SBK1: variants seen among roughly 807,000 people sequenced by gnomAD.
SBK1 encodes SH3 domain binding kinase 1.
In SBK1, 11 loss-of-function variants were observed where a neutral mutation model predicts 24.4. That is an observed-to-expected ratio of 0.45 (90% CI 0.28 to 0.75). SBK1 has a LOEUF of 0.75. Ranked by LOEUF, SBK1 falls within the 30% of genes least tolerant of loss-of-function variation. SBK1 has a pLI of 0.12. For synonymous variants in SBK1, 308 were observed against 284.4 expected, an observed-to-expected ratio of 1.08 and a Z score of -0.83; for missense variants, 467 against 620.5, an observed-to-expected ratio of 0.75 and a Z score of 2.63.
chr16:28,307,313 G>T (rs546400579), intron 1 of SBK1, among the ~76,000 whole-genome samples: 2 of 152,360 alleles, frequency 1.3e-5, no homozygotes, highest in South Asian at 4.1e-4. Context: ...GAGGCACAGA[G>T]TGGTCATGTC....
intron 1 of SBK1, among the ~76,000 whole-genome samples, chr16:28,263,813 T>C (rs1425965964): frequency 6.6e-6 from 1 of 152,042 alleles, no homozygotes; most frequent in African/African-American, 2.4e-5. Context: ...GATGGGGAAG[T>C]AAGAAAGTGC....
rs1241705140 is a variant in SBK1, at chr16:28,293,285, C to T, written c.-23C>T. 1.0e-6 allele frequency: 1 copy of T among 985,362 alleles called. No individual in the cohort carries two copies. Among genetic ancestry groups the T allele is most frequent in the East Asian group, 1.1e-4 (1 of 8,808 alleles). The allele number at this position is 985,362 out of a possible 1,614,324, so 61.0% of individuals were successfully genotyped here. On this transcript the variant is annotated 5_prime_UTR_variant, in exon 1 of 4. Transcript: ENST00000341901. ...CCCAGGCCCCCTGCCGCGGCGTCCC[C>T]GCGGCCCCAGCCCAGGTAAGCCGGG...
intron 1 of SBK1, among the ~76,000 whole-genome samples, chr16:28,274,047 G>A (rs1282123825): frequency 6.6e-6 from 1 of 152,172 alleles, no homozygotes; most frequent in Admixed American, 6.5e-5. Context: ...GTTGCCAGGG[G>A]GCTGGCGGGA....
At chr16:28,275,581 G>C (rs1385513872) in intron 1 of SBK1, among the ~76,000 whole-genome samples, 1 of 151,870 alleles carries the variant, frequency 6.6e-6, no homozygotes, top group Non-Finnish European at 1.5e-5. Context: ...AGAAAGTCCT[G>C]GAAAAAGAAT....
chr16:28,305,796 C>T (rs1357223221), intron 1 of SBK1, among the ~76,000 whole-genome samples: 1 of 152,186 alleles, frequency 6.6e-6, no homozygotes, highest in East Asian at 1.9e-4. Flanking sequence ...CCGCCTCAGC[C>T]TCCCAAAGTG....
chr16:28,305,464 G>T (rs554915113), intron 1 of SBK1, among the ~76,000 whole-genome samples: 1 of 150,620 alleles, frequency 6.6e-6, no homozygotes, highest in Admixed American at 6.6e-5. Context: ...CGCCTGCCTC[G>T]GCCTCCCAAA....
chr16:28,266,581 TGGAA>T (rs2044429728), intron 1 of SBK1, among the ~76,000 whole-genome samples: 1 of 152,052 alleles, frequency 6.6e-6, no homozygotes, highest in Admixed American at 6.6e-5. Flanking sequence ...AAGCTCTTCC[TGGAA>T]GGGCTTTCTG....
chr16:28,299,175 G>A (rs2044662363), intron 1 of SBK1, among the ~76,000 whole-genome samples: 1 of 152,162 alleles, frequency 6.6e-6, no homozygotes, highest in Admixed American at 6.6e-5. Context: ...ATCTCTCTGT[G>A]CCTCAGGTCC....
At position 28,319,994 on chromosome 16, in the gene SBK1, C is replaced by T. The variant is rs565705966; in HGVS notation, c.430-82C>T. On this transcript the variant is annotated intron_variant, in intron 3 of 3. Coordinates refer to ENST00000341901, the MANE Select transcript of SBK1 (RefSeq NM_001024401.3). This position sits in a 1 kb window ranked among gnomAD's most constrained non-coding sequence, Gnocchi z 4.0. ...AGGGTGGGAGGCGAAAACCGCCTTG[C>T]TAGAGAGGGAGCTGGAGGGGAGGGC... 7.3e-7 allele frequency: 1 copy of T among 1,372,608 alleles called. No homozygotes were observed. The highest frequency in any genetic ancestry group is 9.5e-7 in the Non-Finnish European group (1 of 1,053,790). 85.0% of individuals were successfully genotyped at this position (1,372,608 alleles called of 1,614,324 possible). A position where few individuals can be genotyped will look rare whatever the true frequency, so the allele number is the denominator to read the frequency against.
intron 1 of SBK1, among the ~76,000 whole-genome samples, chr16:28,283,824 C>T (rs1057071816): frequency 1.3e-5 from 2 of 152,122 alleles, no homozygotes; most frequent in Non-Finnish European, 2.9e-5. Context: ...GCAGACATGT[C>T]ATTTCCCCAC....
chr16:28,319,479 G>A lies in SBK1; in HGVS notation c.429+282G>A, dbSNP rs926262055. Among the ~76,000 whole-genome samples the A allele has an allele frequency of 1.3e-5, 2 of 152,170 alleles. No individual in the cohort carries two copies. Among genetic ancestry groups the A allele is most frequent in the African/African-American group, 4.8e-5 (2 of 41,430 alleles). On this transcript the variant is annotated intron_variant, in intron 3 of 3. Transcript: ENST00000341901. The surrounding 1 kb of genome is among the most constrained non-coding windows in gnomAD (Gnocchi z 4.0). ...TGAAGTCACTGGGCCCTCCCCTGGGGCTACACAAGAGGAGAGGTGTCAGAT... is the reference window on the plus strand; with the variant it reads ...TGAAGTCACTGGGCCCTCCCCTGGGACTACACAAGAGGAGAGGTGTCAGAT...
At chr16:28,265,189 G>A (rs555603273) in intron 1 of SBK1, among the ~76,000 whole-genome samples, 1 of 152,028 alleles carries the variant, frequency 6.6e-6, no homozygotes, top group African/African-American at 2.4e-5. Flanking sequence ...GGCAGAGGCA[G>A]GAGGATCACT....
chr16:28,308,629 A>G (rs1339219442), intron 1 of SBK1, among the ~76,000 whole-genome samples: 1 of 151,238 alleles, frequency 6.6e-6, no homozygotes, highest in African/African-American at 2.4e-5. Context: ...AGGTCTTGCT[A>G]TGTTACCCAG....
chr16:28,289,407 C>G (rs548197300), upstream of SBK1, among the ~76,000 whole-genome samples: 197 of 152,214 alleles, frequency 1.3e-3, 3 homozygotes, highest in Non-Finnish European at 2.0e-3. Flanking sequence ...GTTTGGAAAA[C>G]AAGGAGGAAG....
At chr16:28,273,204 C>T (rs2044477532) in intron 1 of SBK1, among the ~76,000 whole-genome samples, 1 of 151,820 alleles carries the variant, frequency 6.6e-6, no homozygotes, top group Non-Finnish European at 1.5e-5. Flanking sequence ...GCCACCGCAC[C>T]TGGCCTCTCT....
rs188005954 is a variant in SBK1, at chr16:28,275,004, T to G, written c.257+15502T>G. Among the ~76,000 whole-genome samples the G allele has an allele frequency of 2.0e-3, 310 of 152,176 alleles. 1 individual carries two copies. The highest frequency in any genetic ancestry group is 3.2e-3 in the Non-Finnish European group (221 of 68,010). On this transcript the variant is annotated intron_variant, in intron 1 of 3. Coordinates refer to the SBK1 transcript ENST00000671413. The stretch of plus-strand genomic sequence containing the variant: ...GAGGTAAAAATGACTAATCACGAGC[T>G]AAAAGAGTTGAGATGGTTGTCCTTA...
In SBK1 at chr16:28,272,088, G is replaced by GT. The variant is rs533442727; in HGVS notation, c.257+12593dup. Among the ~76,000 whole-genome samples the GT allele has an allele frequency of 3.9e-4, 60 of 152,072 alleles. 2 individuals carry two copies. The East Asian group carries it at 8.1e-3, about 21-fold the overall frequency. On this transcript the variant is annotated intron_variant, in intron 1 of 3. Coordinates refer to the SBK1 transcript ENST00000671413. ...TACAATACATGTATAATACATGGTT[G>GT]TTTTTTTGAGACATGGTCTTACTCT...
Position 28,321,011 on chromosome 16 carries a change from C to T in SBK1, c.*90C>T. On this transcript the variant is annotated 3_prime_UTR_variant, in exon 4 of 4. Coordinates refer to ENST00000341901, the MANE Select transcript of SBK1 (RefSeq NM_001024401.3). ...GCGGTAGGGAATGGAGCCACCTCGCCGCGGGGCAGGGGGCGCAGCGGTAGA... is the reference window on the plus strand; with the variant it reads ...GCGGTAGGGAATGGAGCCACCTCGCTGCGGGGCAGGGGGCGCAGCGGTAGA... 2 of 1,192,350 alleles carry T rather than the reference C, an allele frequency of 1.7e-6. No homozygotes were observed. Among genetic ancestry groups the T allele is most frequent in the Non-Finnish European group, 2.1e-6 (2 of 932,126 alleles). The allele number at this position is 1,192,350 out of a possible 1,614,324, so 73.9% of individuals were successfully genotyped here.
At chr16:28,280,329 CAT>C (rs1424336157) in intron 1 of SBK1, among the ~76,000 whole-genome samples, 2 of 117,874 alleles carry the variant, frequency 1.7e-5, no homozygotes, top group East Asian at 6.8e-4. Context: ...TATATACGTA[CAT>C]ATGTATATAT....
Sources: gnomAD v4.1 joint callset for allele counts (sites outside exome capture counted in the v4.1 genomes callset) on GRCh38, gnomAD v4.1.1 for gene constraint, Gnocchi (gnomAD v3.1) non-coding constraint, MANE v1.5 for transcripts, NCBI Gene and HGNC (gene_info 2026-07-23, HGNC 2026-07-21) for gene names.